The following SNX6 variants were observed in gnomAD, a reference collection of about 807,000 sequenced individuals.
The protein encoded by SNX6 is sorting nexin-6.
A neutral mutation model predicts 63.0 loss-of-function variants in SNX6; 34 were observed. The observed-to-expected ratio is 0.54, with a 90% confidence interval of 0.41 to 0.72. SNX6 has a LOEUF of 0.72. Ranked by LOEUF, SNX6 falls within the 30% of genes least tolerant of loss-of-function variation. SNX6 has a pLI of 0.00. For missense variants in SNX6, 398 were observed against 471.4 expected (o/e 0.84, Z 1.44); for synonymous variants, 170 against 164.2 (o/e 1.04, Z -0.27).
At chr14:34,594,519 A>C (rs1882525042) in intron 7 of SNX6, among the ~76,000 whole-genome samples, 1 of 151,848 alleles carries the variant, frequency 6.6e-6, no homozygotes, top group Non-Finnish European at 1.5e-5. Flanking sequence ...ACGCCAAGCT[A>C]ATTTTTGTAT....
chr14:34,585,997 C>T (rs1410218844), intron 9 of SNX6, among the ~76,000 whole-genome samples: 1 of 152,078 alleles, frequency 6.6e-6, no homozygotes, highest in East Asian at 1.9e-4. Flanking sequence ...CTCTGCCTCC[C>T]AGGTTCAAAC....
rs1468302501 is a variant in SNX6 at position 34,562,186 on chromosome 14, T to C, written c.*936A>G. 5.6e-4 allele frequency: 85 copies of C among 151,818 alleles called. No homozygotes were observed. Among genetic ancestry groups the C allele is most frequent in the Middle Eastern group, 3.4e-3 (1 of 294 alleles). 9.4% of individuals were successfully genotyped at this position (151,818 alleles called of 1,614,324 possible). A position where few individuals can be genotyped will look rare whatever the true frequency, so the allele number is the denominator to read the frequency against. On this transcript the variant is annotated 3_prime_UTR_variant, in exon 14 of 14. Coordinates refer to ENST00000362031, the MANE Select transcript of SNX6 (RefSeq NM_152233.4). ...TCAATGGCCTATGTCTCATGCTTAATTGGCTGAGCTAGGCGCGGAATCCGG... is the reference window on the plus strand; with the variant it reads ...TCAATGGCCTATGTCTCATGCTTAACTGGCTGAGCTAGGCGCGGAATCCGG...
chr14:34,568,086 A>G (rs1390134024), intron 11 of SNX6, 73 bp from the exon 12 acceptor site: 2 of 1,224,024 alleles, frequency 1.6e-6, no homozygotes, highest in Non-Finnish European at 2.3e-6. Context: ...CACCACTGTC[A>G]CCACCACCAC....
chr14:34,603,511 C>G (rs780797735), intron 5 of SNX6, 40 bp from the exon 6 acceptor site: 1 of 1,510,004 alleles, frequency 6.6e-7, no homozygotes, highest in South Asian at 1.3e-5. Context: ...AAAACTCCAT[C>G]AACTAAAAAG....
At chr14:34,595,144 T>C (rs1055558017) in intron 7 of SNX6, among the ~76,000 whole-genome samples, 8 of 151,726 alleles carry the variant, frequency 5.3e-5, no homozygotes, top group African/African-American at 1.9e-4. Flanking sequence ...TCATAATTCA[T>C]AATATGTAAC....
intron 2 of SNX6, among the ~76,000 whole-genome samples, chr14:34,625,800 T>A (rs1221965152): frequency 6.6e-6 from 1 of 152,154 alleles, no homozygotes; most frequent in Non-Finnish European, 1.5e-5. Flanking sequence ...GAGATCAAAG[T>A]GTGACCAACA....
rs12432539 is a variant in SNX6 at position 34,593,106 on chromosome 14, C to T, written c.657G>A (p.Glu219=). ...FFEHERTFLL[E]YHNRVKDASA... is the part of the protein sequence containing the mutation. ...ATGCATCCTTAACTCGGTTATGATA[C>T]TCCAAAAGAAATGTTCGTTCGTGCT... Residue 219 remains glutamate (E), a synonymous_variant, in exon 8 of 14, where the codon GAG becomes GAA. Coordinates refer to ENST00000362031, the MANE Select transcript of SNX6 (RefSeq NM_152233.4). The T allele has an allele frequency of 0.81, 1,297,755 of 1,603,916 alleles. 526,606 individuals are homozygous for T. The highest frequency in any genetic ancestry group is 0.84 in the Admixed American group (48,599 of 57,744).
chr14:34,610,776 G>A (rs1883198149), intron 2 of SNX6, among the ~76,000 whole-genome samples: 1 of 151,902 alleles, frequency 6.6e-6, no homozygotes. Context: ...TGAGACTTAG[G>A]AAAGAGTCAA....
intron 5 of SNX6, chr14:34,604,108 C>A: frequency 8.4e-7 from 1 of 1,192,132 alleles, no homozygotes; most frequent in South Asian, 1.5e-5. Flanking sequence ...GCTTCAACTA[C>A]GTGCAAGAAG....
intron 2 of SNX6, among the ~76,000 whole-genome samples, chr14:34,626,449 T>A (rs1883826791): frequency 6.7e-6 from 1 of 150,074 alleles, no homozygotes; most frequent in South Asian, 2.1e-4. Flanking sequence ...CGTCAGGAGA[T>A]CTAGACCATC....
chr14:34,603,881 G>A (rs1021063809), intron 5 of SNX6, among the ~76,000 whole-genome samples: 1 of 151,832 alleles, frequency 6.6e-6, no homozygotes, highest in Non-Finnish European at 1.5e-5. Flanking sequence ...CCCAAACCTC[G>A]GTGAGCATAT....
intron 7 of SNX6, among the ~76,000 whole-genome samples, chr14:34,596,043 C>T (rs1316181827): frequency 6.6e-6 from 1 of 151,438 alleles, no homozygotes; most frequent in Non-Finnish European, 1.5e-5. Context: ...CATGGTGAAA[C>T]CCCATCTGTA....
chr14:34,626,923 TTAGAA>T (rs1158791591), intron 2 of SNX6, among the ~76,000 whole-genome samples: 4 of 152,180 alleles, frequency 2.6e-5, no homozygotes, highest in Non-Finnish European at 5.9e-5. Flanking sequence ...TGCTTTATAT[TTAGAA>T]TAATTAGTTT....
intron 2 of SNX6, among the ~76,000 whole-genome samples, chr14:34,622,248 C>T (rs1883652482): frequency 6.7e-6 from 1 of 148,522 alleles, no homozygotes; most frequent in African/African-American, 2.5e-5. Flanking sequence ...AGGCATGAGC[C>T]ACTGCACCCG....
chr14:34,569,098 T>TG, intron 11 of SNX6: 1 of 979,528 alleles, frequency 1.0e-6, no homozygotes. Flanking sequence ...GAACTCCTGC[T>TG]GGTTCACATC....
intron 9 of SNX6, among the ~76,000 whole-genome samples, chr14:34,583,103 G>C (rs907836060): frequency 1.3e-5 from 2 of 152,120 alleles, no homozygotes; most frequent in Admixed American, 1.3e-4. Flanking sequence ...TCAGGAGATC[G>C]AGACCATCCT....
intron 11 of SNX6, among the ~76,000 whole-genome samples, chr14:34,573,506 C>G (rs2138273019): frequency 6.6e-6 from 1 of 151,916 alleles, no homozygotes; most frequent in African/African-American, 2.4e-5. Flanking sequence ...ACCCAGCAGG[C>G]AGAGGTTGCC....
In SNX6 at chr14:34,603,401, G is replaced by C. The variant is rs773185785; in HGVS notation, c.463C>G (p.Pro155Ala). 7 of 1,609,798 alleles carry C rather than the reference G, an allele frequency of 4.3e-6. No homozygotes were observed. The highest frequency in any genetic ancestry group is 5.9e-6 in the Non-Finnish European group (7 of 1,177,784). Residue 155 changes from proline (P) to alanine (A), a missense_variant, in exon 6 of 14, where the codon CCT becomes GCT. Transcript: ENST00000362031. ...AAATTTAAATCTCTTCTCAAAATAGGATGTGCTGCCACACGACACAGGAAC... is the reference window on the plus strand; with the variant it reads ...AAATTTAAATCTCTTCTCAAAATAGCATGTGCTGCCACACGACACAGGAAC... ...EVFLCRVAAHPILRRDLNFHV... is the reference protein window; with the variant it reads ...EVFLCRVAAHAILRRDLNFHV...
chr14:34,608,512 A>C (rs1372938814), intron 3 of SNX6, among the ~76,000 whole-genome samples: 1 of 152,152 alleles, frequency 6.6e-6, no homozygotes, highest in African/African-American at 2.4e-5. Context: ...AATTCATCTT[A>C]TTTCAAGACC....
Sources: allele counts gnomAD v4.1 joint callset (sites outside exome capture counted in the v4.1 genomes callset), GRCh38; gene constraint gnomAD v4.1.1; transcripts MANE v1.5; gene names NCBI Gene and HGNC (gene_info 2026-07-23, HGNC 2026-07-21).